Variants in MYO10 observed in about 807,000 individuals in gnomAD.
The protein encoded by MYO10 is unconventional myosin-X.
MYO10 carries 133 observed loss-of-function variants against 257.3 expected under a neutral mutation model. The observed-to-expected ratio is 0.52, with a 90% CI of 0.45 to 0.60. MYO10 has a LOEUF of 0.60. Among genes scored for constraint, MYO10 ranks in the 20% least tolerant of loss-of-function variants. MYO10 has a pLI of 0.00. For missense variants in MYO10, 2,399 were observed against 2,635.7 expected (o/e 0.91, Z 1.97); for synonymous variants, 1,104 against 1,028.6 (o/e 1.07, Z -1.40).
intron 9 of MYO10, among the ~76,000 whole-genome samples, chr5:16,773,943 T>C (rs908526127): frequency 1.3e-5 from 2 of 152,178 alleles, no homozygotes; most frequent in East Asian, 3.8e-4. Flanking sequence ...TAATTTAATG[T>C]CTAAAACCAG....
intron 2 of MYO10, among the ~76,000 whole-genome samples, chr5:16,857,450 C>T (rs772520914): frequency 2.6e-5 from 4 of 152,156 alleles, no homozygotes; most frequent in Non-Finnish European, 5.9e-5. Context: ...AAAAACAAAT[C>T]CCCACACATA....
chr5:16,929,654 G>A (rs1046651938), intron 1 of MYO10, among the ~76,000 whole-genome samples: 17 of 152,294 alleles, frequency 1.1e-4, no homozygotes, highest in African/African-American at 3.1e-4. Flanking sequence ...GTCACTAAAT[G>A]TGAAGTGCCA....
intron 2 of MYO10, among the ~76,000 whole-genome samples, chr5:16,836,693 T>C (rs531498338): frequency 1.3e-3 from 201 of 152,366 alleles, no homozygotes; most frequent in Non-Finnish European, 2.4e-3. Flanking sequence ...CTCTGCTCAC[T>C]TGATAGTTGT....
rs1252852120 is a variant in MYO10 at position 16,928,552 on chromosome 5, C to T, written c.21+7236G>A. Among the ~76,000 whole-genome samples the T allele has an allele frequency of 3.9e-5, 6 of 151,992 alleles. No individual in the cohort carries two copies. The East Asian group carries it at 1.2e-3, about 30-fold the overall frequency. On this transcript the variant is annotated intron_variant, in intron 1 of 40. Transcript: ENST00000513610. Reference sequence around the variant, plus strand: ...AAGTTGGGACAACCAGCTTTAGAAACCACACTTTATGGGCCGGGCATGACG... The same window carrying T: ...AAGTTGGGACAACCAGCTTTAGAAATCACACTTTATGGGCCGGGCATGACG...
At chr5:16,736,561 C>T (rs1183332047) in intron 19 of MYO10, among the ~76,000 whole-genome samples, 2 of 152,162 alleles carry the variant, frequency 1.3e-5, no homozygotes, top group Non-Finnish European at 2.9e-5. Context: ...TCCACTTCTG[C>T]ACAGGACCTT....
At chr5:16,769,962 G>T (rs2126657967) in intron 9 of MYO10, among the ~76,000 whole-genome samples, 1 of 151,250 alleles carries the variant, frequency 6.6e-6, no homozygotes, top group African/African-American at 2.4e-5. Flanking sequence ...TAGAGATGGG[G>T]GTCTCATGTT....
intron 33 of MYO10, among the ~76,000 whole-genome samples, chr5:16,677,276 T>A (rs1042569682): frequency 6.6e-6 from 1 of 152,184 alleles, no homozygotes; most frequent in Non-Finnish European, 1.5e-5. Context: ...ACTTAAATAA[T>A]TTATATGGAC....
intron 19 of MYO10, among the ~76,000 whole-genome samples, chr5:16,753,749 G>A (rs952448828): frequency 6.6e-6 from 1 of 152,054 alleles, no homozygotes; most frequent in Admixed American, 6.6e-5. Flanking sequence ...GGGATTACAG[G>A]CGTGAGCCAC....
At chr5:16,668,823 A>T (rs1736299967) in intron 39 of MYO10, among the ~76,000 whole-genome samples, 1 of 151,478 alleles carries the variant, frequency 6.6e-6, no homozygotes, top group Non-Finnish European at 1.5e-5. Context: ...CTTCCCTGCA[A>T]CCCAAGCCAA....
chr5:16,796,442 C>CAGAAAGAAAGAA lies in MYO10; in HGVS notation c.280-1621_280-1610dup, dbSNP rs70943805. On this transcript the variant is annotated intron_variant, in intron 3 of 40. Coordinates refer to ENST00000513610, the MANE Select transcript of MYO10 (RefSeq NM_012334.3). ...AAAGGAAAAAGAAAGAAAAGAAAGACAGAAAGAAAGAAAGAAAGAAAGAAA... is the reference window on the plus strand; with the variant it reads ...AAAGGAAAAAGAAAGAAAAGAAAGACAGAAAGAAAGAAAGAAAGAAAGAAAGAAAGAAAGAAA... 7.4e-3 allele frequency among the ~76,000 whole-genome samples: 889 copies of CAGAAAGAAAGAA among 120,788 alleles called. 12 individuals carry two copies. The highest frequency in any genetic ancestry group is 0.035 in the East Asian group (132 of 3,744). 79.2% of individuals were successfully genotyped at this position (120,788 alleles called of 152,430 possible).
chr5:16,699,374 C>T, intron 26 of MYO10, 76 bp downstream of exon 26: 1 of 1,536,942 alleles, frequency 6.5e-7, no homozygotes, highest in South Asian at 1.2e-5. Context: ...TTATTTCCCA[C>T]CGCCATCCAT....
chr5:16,839,503 G>C (rs1222436108), intron 2 of MYO10, among the ~76,000 whole-genome samples: 1 of 152,104 alleles, frequency 6.6e-6, no homozygotes, highest in Non-Finnish European at 1.5e-5. Context: ...CAGCACTTTG[G>C]GGGGCCAAGG....
chr5:16,703,573 C>T (rs759190184), intron 22 of MYO10, among the ~76,000 whole-genome samples: 9 of 152,076 alleles, frequency 5.9e-5, no homozygotes, highest in East Asian at 3.9e-4. Flanking sequence ...GCAACTAAAA[C>T]GCACATGAGG....
chr5:16,683,419 A>G (rs185063210), intron 30 of MYO10, among the ~76,000 whole-genome samples: 148 of 152,318 alleles, frequency 9.7e-4, no homozygotes, highest in Admixed American at 2.5e-3. Flanking sequence ...GGTGCCAAGA[A>G]AGAAGAAATG....
At chr5:16,740,624 C>CT (rs917990250) in intron 19 of MYO10, among the ~76,000 whole-genome samples, 1 of 152,162 alleles carries the variant, frequency 6.6e-6, no homozygotes, top group African/African-American at 2.4e-5. Context: ...CGTACATATC[C>CT]TTCAGCCACC....
At chr5:16,778,815 C>T (rs922099520) in intron 9 of MYO10, among the ~76,000 whole-genome samples, 2 of 151,514 alleles carry the variant, frequency 1.3e-5, no homozygotes, top group African/African-American at 4.9e-5. Context: ...CTCAGCCTCC[C>T]GAGTAGCTGG....
intron 1 of MYO10, among the ~76,000 whole-genome samples, chr5:16,901,866 G>C (rs966372639): frequency 2.6e-5 from 4 of 152,178 alleles, no homozygotes; most frequent in Non-Finnish European, 5.9e-5. Context: ...ACGTTCTAGA[G>C]CCAGACCATC....
intron 39 of MYO10, among the ~76,000 whole-genome samples, chr5:16,670,163 A>C (rs1246860840): frequency 6.6e-6 from 1 of 152,244 alleles, no homozygotes; most frequent in Non-Finnish European, 1.5e-5. Flanking sequence ...AGAAAAAACA[A>C]AGTAAAATGC....
rs375332174 is a variant in MYO10 at position 16,704,606 on chromosome 5, C to T, written c.2249G>A (p.Arg750Gln). ...EEVSHAAMVI[R>Q]AHVLGFLARK... is the part of the protein sequence containing the mutation. Reference sequence around the variant, plus strand: ...TGCTAAGAAGCCCAAGACATGGGCCCGAATCACCATGGCCGCGTGGCTCAC... The same window carrying T: ...TGCTAAGAAGCCCAAGACATGGGCCTGAATCACCATGGCCGCGTGGCTCAC... Residue 750 changes from arginine (R) to glutamine (Q), a missense_variant, in exon 22 of 41, where the codon CGG becomes CAG. Transcript: ENST00000513610. The T allele has an allele frequency of 4.3e-6, 7 of 1,613,846 alleles. No homozygotes were observed. Among genetic ancestry groups the T allele is most frequent in the East Asian group, 2.2e-5 (1 of 44,844 alleles).
Sources: gnomAD v4.1 joint callset for allele counts (sites outside exome capture counted in the v4.1 genomes callset) on GRCh38, gnomAD v4.1.1 for gene constraint, MANE v1.5 for transcripts, NCBI Gene and HGNC (gene_info 2026-07-23, HGNC 2026-07-21) for gene names.